Variants in MCM10 observed in about 807,000 individuals in gnomAD.
MCM10 encodes protein MCM10 homolog.
MCM10 carries 91 observed loss-of-function variants against 109.9 expected under a neutral mutation model. That is an observed-to-expected ratio of 0.83 (90% CI 0.70 to 0.99). MCM10 has a LOEUF of 0.99. MCM10 is among the 50% of genes least tolerant of loss of function. The pLI is 0.00. For synonymous variants in MCM10, 380 were observed against 387.2 expected, an observed-to-expected ratio of 0.98 and a Z score of 0.22; for missense variants, 1,077 against 1,061.2, an observed-to-expected ratio of 1.01 and a Z score of -0.21.
chr10:13,204,475 A>G (rs1464081293), intron 18 of MCM10, 111 bp downstream of exon 18: 5 of 1,359,254 alleles, frequency 3.7e-6, no homozygotes, highest in East Asian at 4.7e-5. Context: ...ATGCCTTCCT[A>G]TAGCTCCAGG....
intron 18 of MCM10, among the ~76,000 whole-genome samples, chr10:13,206,957 A>C (rs1158086077): frequency 6.6e-6 from 1 of 152,104 alleles, no homozygotes; most frequent in African/African-American, 2.4e-5. Flanking sequence ...GGTGTGCACC[A>C]CTACACCCAG....
chr10:13,209,460 G>T lies in MCM10; in HGVS notation c.*150G>T. ...CATAAGCTTTGCCTGCTTACTTTCT[G>T]CCATTGGGTTGGTTTGATACCACAT... On this transcript the variant is annotated 3_prime_UTR_variant, in exon 20 of 20. Transcript: ENST00000378714. 1 of 651,856 alleles carries T rather than the reference G, an allele frequency of 1.5e-6. No individual in the cohort carries two copies. 40.4% of individuals were successfully genotyped at this position (651,856 alleles called of 1,614,324 possible).
At chr10:13,196,194 C>A (rs1178173306) in intron 14 of MCM10, among the ~76,000 whole-genome samples, 2 of 152,156 alleles carry the variant, frequency 1.3e-5, no homozygotes, top group African/African-American at 4.8e-5. Flanking sequence ...GCATGAGCCA[C>A]TGTGCCTAAC....
At chr10:13,176,119 A>G (rs1427301906) in intron 6 of MCM10, among the ~76,000 whole-genome samples, 1 of 152,138 alleles carries the variant, frequency 6.6e-6, no homozygotes, top group African/African-American at 2.4e-5. Context: ...GCGGTTCTGT[A>G]TAAATTTTAG....
intron 3 of MCM10, 35 bp downstream of exon 3, chr10:13,171,298 G>A: frequency 6.5e-7 from 1 of 1,533,566 alleles, no homozygotes; most frequent in Non-Finnish European, 8.8e-7. Flanking sequence ...ATTTCTTTCG[G>A]ATAAGTTGGA....
chr10:13,201,227 A>T (rs1834494323), intron 16 of MCM10, among the ~76,000 whole-genome samples, 194 bp from the exon 17 acceptor site: 1 of 152,204 alleles, frequency 6.6e-6, no homozygotes, highest in Non-Finnish European at 1.5e-5. Flanking sequence ...GTTTCTATGC[A>T]TCATCATCTT....
chr10:13,183,728 G>A (rs12778161), intron 8 of MCM10, among the ~76,000 whole-genome samples: 30,846 of 151,268 alleles, frequency 0.2, 3,332 homozygotes, highest in East Asian at 0.4. Context: ...TCTGTTGCCC[G>A]GGCTGGAGTA....
intron 10 of MCM10, among the ~76,000 whole-genome samples, chr10:13,190,793 T>G (rs1027763001): frequency 1.4e-5 from 2 of 145,606 alleles, no homozygotes; most frequent in African/African-American, 2.4e-5. Context: ...ATATTGTTCC[T>G]ATTCTTTGTA....
chr10:13,190,794 A>G (rs950849033), intron 10 of MCM10, among the ~76,000 whole-genome samples: 6 of 152,114 alleles, frequency 3.9e-5, no homozygotes, highest in African/African-American at 1.4e-4. Flanking sequence ...TATTGTTCCT[A>G]TTCTTTGTAT....
At chr10:13,167,786 C>T (rs190007782) in intron 2 of MCM10, among the ~76,000 whole-genome samples, 1 of 152,312 alleles carries the variant, frequency 6.6e-6, no homozygotes, top group Admixed American at 6.5e-5. Flanking sequence ...CTAATACGTG[C>T]CGAACACTAT....
chr10:13,178,237 A>T (rs1223413499), intron 6 of MCM10, among the ~76,000 whole-genome samples: 1 of 152,150 alleles, frequency 6.6e-6, no homozygotes, highest in African/African-American at 2.4e-5. Flanking sequence ...CTCAGACTAC[A>T]AGCACGCACC....
rs774054084 is a variant in MCM10, at chr10:13,180,472, C to A, written c.795C>A (p.Asn265Lys). Reference sequence around the variant, plus strand: ...CTCGAGTATCCTCCACAGAAATGAACAAGAAAATGACCGGCCGAAAACTGA... The same window carrying A: ...CTCGAGTATCCTCCACAGAAATGAAAAAGAAAATGACCGGCCGAAAACTGA... ...RRPRVSSTEM[N>K]KKMTGRKLIR... Residue 265 changes from asparagine to lysine, a missense_variant, in exon 7 of 20, where the codon AAC (asparagine) becomes AAA (lysine). Physicochemically the swap from Asn to Lys is moderately conservative, Grantham distance 94. Transcript: ENST00000378714. 3 of 1,613,500 alleles carry A rather than the reference C, an allele frequency of 1.9e-6. No homozygotes were observed. Among genetic ancestry groups the A allele is most frequent in the East Asian group, 4.5e-5 (2 of 44,848 alleles).
In MCM10 at chr10:13,175,556, C is replaced by G; in HGVS notation, c.639C>G (p.Pro213=). Residue 213 remains proline, a synonymous_variant, in exon 6 of 20, where the codon CCC becomes CCG. Coordinates refer to ENST00000378714, the MANE Select transcript of MCM10 (RefSeq NM_018518.5). ...GGATGACAAGTGCACCCTCCCAACC[C>G]CTACAGACGATTTCTCGGAACAAAC... ...SSRMTSAPSQ[P]LQTISRNKPS... 1 of 1,614,110 alleles carries G rather than the reference C, an allele frequency of 6.2e-7. No homozygotes were observed. Among genetic ancestry groups the G allele is most frequent in the Middle Eastern group, 1.6e-4 (1 of 6,062 alleles).
chr10:13,209,146 C>G lies in MCM10; in HGVS notation c.2541+13C>G. ...CGGAATGCTAAAGGTATGCCATTTG[C>G]GTACTAATTTTTGACTCCTTTTAGT... On this transcript the variant is annotated intron_variant, in intron 19 of 19. Coordinates refer to ENST00000378714, the MANE Select transcript of MCM10 (RefSeq NM_018518.5). 6.2e-7 allele frequency: 1 copy of G among 1,609,462 alleles called. No individual in the cohort carries two copies. Among genetic ancestry groups the G allele is most frequent in the East Asian group, 2.2e-5 (1 of 44,858 alleles).
At chr10:13,204,182 T>G in intron 17 of MCM10, 37 bp from the exon 18 acceptor site, 1 of 1,602,772 alleles carries the variant, frequency 6.2e-7, no homozygotes, top group East Asian at 2.2e-5. Flanking sequence ...TCAAAGGCTC[T>G]TCACCGGCGG....
chr10:13,166,657 CATACATATATATATAT>C (rs1564379568), intron 2 of MCM10, among the ~76,000 whole-genome samples: 5 of 19,936 alleles, frequency 2.5e-4, no homozygotes, highest in African/African-American at 7.4e-4. Flanking sequence ...AAAATACATA[CATACATATATATATAT>C]ATATATATAT....
Position 13,201,296 on chromosome 10 carries a change from C to T in MCM10, c.2239-125C>T, listed in dbSNP as rs1834494864. On this transcript the variant is annotated intron_variant, in intron 16 of 19. Coordinates refer to ENST00000378714, the MANE Select transcript of MCM10 (RefSeq NM_018518.5). ...CCTCTCACACTTAGCCTGCCTCTTC[C>T]ATTCTGTTCTGTTTTGATTATTATC... is the stretch of plus-strand genomic sequence containing the variant. The T allele has an allele frequency of 1.1e-5, 7 of 664,842 alleles. No individual in the cohort carries two copies. The South Asian group carries it at 1.3e-4, about 12-fold the overall frequency. The allele number at this position is 664,842 out of a possible 1,614,324, so 41.2% of individuals were successfully genotyped here.
At chr10:13,198,276 A>T (rs1834449675) in intron 15 of MCM10, among the ~76,000 whole-genome samples, 1 of 152,176 alleles carries the variant, frequency 6.6e-6, no homozygotes, top group Non-Finnish European at 1.5e-5. Flanking sequence ...AGGATTGCTC[A>T]TTGGATCTTT....
At chr10:13,169,942 G>C (rs933777010) in intron 2 of MCM10, among the ~76,000 whole-genome samples, 1 of 152,188 alleles carries the variant, frequency 6.6e-6, no homozygotes, top group African/African-American at 2.4e-5. Flanking sequence ...CTGATGTCAG[G>C]TGATCCTCCT....
Sources: gnomAD v4.1 joint callset for allele counts (sites outside exome capture counted in the v4.1 genomes callset) on GRCh38, gnomAD v4.1.1 for gene constraint, MANE v1.5 for transcripts, NCBI Gene and HGNC (gene_info 2026-07-23, HGNC 2026-07-21) for gene names.